The following ADAMTS20 variants were observed in gnomAD, a reference collection of about 807,000 sequenced individuals.
ADAMTS20 encodes A disintegrin and metalloproteinase with thrombospondin motifs 20.
In ADAMTS20, 225 loss-of-function variants were observed where a neutral mutation model predicts 260.1. The ratio of observed to expected loss-of-function variants is 0.87; its 90% confidence interval spans 0.78 to 0.97. The LOEUF (loss-of-function observed/expected upper bound fraction) is 0.97. Among genes scored for constraint, ADAMTS20 ranks in the 50% least tolerant of loss-of-function variants. The pLI is 0.00. For synonymous variants in ADAMTS20, 802 were observed against 769.5 expected (o/e 1.04, Z -0.70); for missense variants, 2,400 against 2,337.7 (o/e 1.03, Z -0.55).
chr12:43,409,434 C>T (rs1180607655), intron 28 of ADAMTS20, among the ~76,000 whole-genome samples: 1 of 150,512 alleles, frequency 6.6e-6, no homozygotes, highest in Non-Finnish European at 1.5e-5. Context: ...AACCTCGTCT[C>T]TACTAAAAAT....
intron 7 of ADAMTS20, among the ~76,000 whole-genome samples, chr12:43,482,679 C>T (rs1226312377): frequency 2.0e-5 from 3 of 152,174 alleles, no homozygotes; most frequent in Non-Finnish European, 4.4e-5. Flanking sequence ...CCTAGCTTTA[C>T]CCCTCCACCT....
Position 43,551,989 on chromosome 12 carries a change from C to G in ADAMTS20, c.-68G>C, listed in dbSNP as rs1943525463. ...CGCCGGCAGCCAAGCCGGCTTCCCT[C>G]GCGCTCCGATCCCTCTCCTCCCTCT... On this transcript the variant is annotated 5_prime_UTR_variant, in exon 1 of 39. Transcript: ENST00000389420. The surrounding 1 kb of genome is among the most constrained non-coding windows in gnomAD (Gnocchi z 4.6). 7.3e-7 allele frequency: 1 copy of G among 1,374,734 alleles called. No homozygotes were observed. Among genetic ancestry groups the G allele is most frequent in the Non-Finnish European group, 1.0e-6 (1 of 969,508 alleles). The allele number at this position is 1,374,734 out of a possible 1,614,324, so 85.2% of individuals were successfully genotyped here. A position where few individuals can be genotyped will look rare whatever the true frequency, so the allele number is the denominator to read the frequency against.
chr12:43,387,725 G>C (rs752237815), intron 29 of ADAMTS20, among the ~76,000 whole-genome samples: 1 of 152,178 alleles, frequency 6.6e-6, no homozygotes, highest in Non-Finnish European at 1.5e-5. Flanking sequence ...TGGCTAGAGC[G>C]GCAAAGCTGC....
At chr12:43,454,706 A>G (rs12306248) in intron 11 of ADAMTS20, among the ~76,000 whole-genome samples, 2,282 of 152,240 alleles carry the variant, frequency 0.015, 54 homozygotes, top group African/African-American at 0.051. Flanking sequence ...CATCTCTTCT[A>G]TATCATCATT....
chr12:43,451,987 T>C (rs1592076145), intron 14 of ADAMTS20, among the ~76,000 whole-genome samples: 1 of 152,110 alleles, frequency 6.6e-6, no homozygotes, highest in African/African-American at 2.4e-5. Flanking sequence ...TTATTTTCTA[T>C]CTTTTTAGGA....
chr12:43,464,487 T>C, intron 10 of ADAMTS20, 104 bp downstream of exon 10: 1 of 1,382,494 alleles, frequency 7.2e-7, no homozygotes, highest in Non-Finnish European at 9.8e-7. Flanking sequence ...ATTATCAGAC[T>C]TAAAAGCTAT....
chr12:43,424,728 AAT>A (rs1374784375), intron 28 of ADAMTS20, among the ~76,000 whole-genome samples: 15 of 152,036 alleles, frequency 9.9e-5, no homozygotes, highest in Admixed American at 1.3e-4. Context: ...TAAATAATAT[AAT>A]AGTCCTGATT....
chr12:43,369,850 C>T (rs1464563917), intron 36 of ADAMTS20, among the ~76,000 whole-genome samples: 2 of 151,904 alleles, frequency 1.3e-5, no homozygotes, highest in South Asian at 2.1e-4. Flanking sequence ...TTCTTTTTTT[C>T]GTGTCTTATT....
At chr12:43,354,334 T>A in intron 38 of ADAMTS20, 36 bp from the exon 39 acceptor site, 1 of 1,455,284 alleles carries the variant, frequency 6.9e-7, no homozygotes, top group Non-Finnish European at 9.4e-7. Flanking sequence ...AAGAATCTTA[T>A]ACAAGCTGGT....
intron 36 of ADAMTS20, among the ~76,000 whole-genome samples, chr12:43,373,702 C>T (rs1304265078): frequency 2.1e-5 from 2 of 97,274 alleles, no homozygotes; most frequent in South Asian, 3.8e-4. Context: ...TTTTTTGAGA[C>T]GGAGTCTCGC....
intron 11 of ADAMTS20, among the ~76,000 whole-genome samples, chr12:43,455,837 T>C (rs1941954752): frequency 6.6e-6 from 1 of 151,942 alleles, no homozygotes; most frequent in South Asian, 2.1e-4. Flanking sequence ...GCCTCCTGAG[T>C]AGCTGGGACT....
chr12:43,514,622 A>G (rs1942974128), intron 3 of ADAMTS20, among the ~76,000 whole-genome samples: 1 of 149,972 alleles, frequency 6.7e-6, no homozygotes. Context: ...TTCAAATGCA[A>G]TTTGCCAGAA....
intron 3 of ADAMTS20, among the ~76,000 whole-genome samples, chr12:43,523,683 G>A (rs1229551939): frequency 6.6e-6 from 1 of 152,084 alleles, no homozygotes; most frequent in East Asian, 1.9e-4. Flanking sequence ...TACTCCCTGG[G>A]TGAATACTTC....
chr12:43,539,945 C>G (rs1021676371), intron 2 of ADAMTS20, among the ~76,000 whole-genome samples: 4 of 151,144 alleles, frequency 2.6e-5, no homozygotes, highest in African/African-American at 7.3e-5. Flanking sequence ...TGCAGTGGCA[C>G]GATCTCAGCT....
At chr12:43,437,131 A>G (rs547079791) in intron 18 of ADAMTS20, among the ~76,000 whole-genome samples, 1 of 152,168 alleles carries the variant, frequency 6.6e-6, no homozygotes, top group Admixed American at 6.5e-5. Flanking sequence ...GGAAACACAT[A>G]TAAGTGAGGG....
intron 29 of ADAMTS20, among the ~76,000 whole-genome samples, chr12:43,392,035 C>T (rs1229130746): frequency 6.6e-6 from 1 of 151,986 alleles, no homozygotes. Flanking sequence ...TTACACTGAC[C>T]TTCATGTTAT....
chr12:43,382,836 A>G (rs1940383339), intron 31 of ADAMTS20, among the ~76,000 whole-genome samples: 1 of 151,978 alleles, frequency 6.6e-6, no homozygotes, highest in Admixed American at 6.6e-5. Context: ...ATAAAAAAAC[A>G]GACTGGATGG....
chr12:43,419,542 T>C (rs1427663456), intron 28 of ADAMTS20, among the ~76,000 whole-genome samples: 1 of 152,144 alleles, frequency 6.6e-6, no homozygotes, highest in African/African-American at 2.4e-5. Context: ...AACAATTTCT[T>C]GAGATGCTTA....
chr12:43,393,650 T>C (rs142568343), intron 29 of ADAMTS20, among the ~76,000 whole-genome samples: 1 of 152,206 alleles, frequency 6.6e-6, no homozygotes, highest in Non-Finnish European at 1.5e-5. Context: ...GCCTTGTTTA[T>C]AATTTTTTTA....
Sources: gnomAD v4.1 joint callset for allele counts (sites outside exome capture counted in the v4.1 genomes callset) on GRCh38, gnomAD v4.1.1 for gene constraint, Gnocchi (gnomAD v3.1) non-coding constraint, MANE v1.5 for transcripts, NCBI Gene and HGNC (gene_info 2026-07-23, HGNC 2026-07-21) for gene names.